ZNF385D: variants seen among roughly 807,000 people sequenced by gnomAD.
The protein encoded by ZNF385D is zinc finger protein 385D, also known as zinc finger protein 659.
A neutral mutation model predicts 35.8 loss-of-function variants in ZNF385D; 15 were observed. That is an observed-to-expected ratio of 0.42 (90% CI 0.28 to 0.64). The LOEUF (loss-of-function observed/expected upper bound fraction) is 0.64, where lower values mean the gene tolerates loss of function less well. Ranked by LOEUF, ZNF385D falls within the 30% of genes least tolerant of loss-of-function variation. The pLI is 0.23. For synonymous variants in ZNF385D, 212 were observed against 186.8 expected (o/e 1.13, Z -1.10); for missense variants, 474 against 494.6 (o/e 0.96, Z 0.39).
intron 3 of ZNF385D, among the ~76,000 whole-genome samples, chr3:21,900,103 A>G (rs532148137): frequency 6.6e-6 from 1 of 152,282 alleles, no homozygotes; most frequent in South Asian, 2.1e-4. Context: ...ACAAATTGCT[A>G]GTGAGAAAAT....
intron 3 of ZNF385D, among the ~76,000 whole-genome samples, chr3:21,912,463 G>C (rs756966216): frequency 2.6e-5 from 4 of 152,032 alleles, no homozygotes; most frequent in Non-Finnish European, 4.4e-5. Context: ...AAGGTAAAGT[G>C]TTCTTTCCAC....
intron 3 of ZNF385D, among the ~76,000 whole-genome samples, chr3:21,521,243 C>T (rs1462992328): frequency 1.3e-5 from 2 of 152,180 alleles, no homozygotes; most frequent in Non-Finnish European, 2.9e-5. Context: ...CTCCGAGGCA[C>T]TTTGGTTACA....
intron 3 of ZNF385D, among the ~76,000 whole-genome samples, chr3:21,934,357 A>C (rs1410790120): frequency 6.6e-6 from 1 of 152,186 alleles, no homozygotes; most frequent in East Asian, 1.9e-4. Context: ...AAACACTCCA[A>C]ATAAAAACAA....
At chr3:21,737,310 T>C (rs946584439) in intron 1 of ZNF385D, among the ~76,000 whole-genome samples, 1 of 152,154 alleles carries the variant, frequency 6.6e-6, no homozygotes, top group African/African-American at 2.4e-5. Context: ...ATAATAGAAA[T>C]AACTTATTTT....
chr3:21,952,984 C>T (rs1277822343), intron 3 of ZNF385D, among the ~76,000 whole-genome samples: 1 of 151,978 alleles, frequency 6.6e-6, no homozygotes, highest in Non-Finnish European at 1.5e-5. Context: ...ATTCTTCTCC[C>T]TTACTAAACA....
chr3:22,017,269 A>G (rs1696950135), intron 3 of ZNF385D, among the ~76,000 whole-genome samples: 1 of 152,106 alleles, frequency 6.6e-6, no homozygotes, highest in Non-Finnish European at 1.5e-5. Context: ...ACATACAGAC[A>G]TAGTGAATTT....
chr3:22,056,715 A>G (rs958059622), intron 3 of ZNF385D, among the ~76,000 whole-genome samples: 1 of 152,158 alleles, frequency 6.6e-6, no homozygotes, highest in East Asian at 1.9e-4. Flanking sequence ...CCACAGAAAA[A>G]CTCAGTGGAT....
intron 3 of ZNF385D, among the ~76,000 whole-genome samples, chr3:21,871,943 G>A (rs1697713531): frequency 6.6e-6 from 1 of 151,970 alleles, no homozygotes; most frequent in South Asian, 2.1e-4. Context: ...GTTGCAGTGA[G>A]CCAAGATTGC....
rs547175476 is a variant in ZNF385D, at chr3:22,319,627, A to G, written c.106+52823T>C. Among the ~76,000 whole-genome samples the G allele has an allele frequency of 2.0e-4, 30 of 152,252 alleles. No homozygotes were observed. The South Asian group carries it at 5.8e-3, about 29-fold the overall frequency. On this transcript the variant is annotated intron_variant, in intron 2 of 5. Coordinates refer to the ZNF385D transcript ENST00000494108. ...GATTTCCCTATAGTTCATGGGCTCT[A>G]GTTTGTGAATCCCTGAACACTGACT...
intron 2 of ZNF385D, among the ~76,000 whole-genome samples, chr3:22,314,360 A>C (rs551248434): frequency 4.6e-5 from 7 of 152,236 alleles, no homozygotes; most frequent in African/African-American, 1.7e-4. Flanking sequence ...CTTATGAGTG[A>C]GAACATTTGA....
chr3:22,160,329 G>A (rs532778894), intron 3 of ZNF385D, among the ~76,000 whole-genome samples: 1 of 152,200 alleles, frequency 6.6e-6, no homozygotes, highest in African/African-American at 2.4e-5. Context: ...AAATGTTCTA[G>A]CAAGTTCTAA....
chr3:21,956,908 G>A (rs752210113), intron 3 of ZNF385D, among the ~76,000 whole-genome samples: 1 of 151,772 alleles, frequency 6.6e-6, no homozygotes, highest in East Asian at 2.0e-4. Flanking sequence ...ATCATCTGTG[G>A]TGATATAGTT....
chr3:21,997,898 TG>T (rs1695582035), intron 3 of ZNF385D, among the ~76,000 whole-genome samples: 1 of 150,506 alleles, frequency 6.6e-6, no homozygotes, highest in African/African-American at 2.5e-5. Context: ...TGTGTGTGTG[TG>T]TGTGTGTGAC....
intron 3 of ZNF385D, among the ~76,000 whole-genome samples, chr3:22,135,861 A>C (rs1704068483): frequency 6.6e-6 from 1 of 152,076 alleles, no homozygotes; most frequent in South Asian, 2.1e-4. Context: ...TCAAAGTTGC[A>C]AAAACAATTA....
intron 3 of ZNF385D, among the ~76,000 whole-genome samples, chr3:22,087,092 A>C (rs1559358473): frequency 6.6e-6 from 1 of 152,164 alleles, no homozygotes; most frequent in Non-Finnish European, 1.5e-5. Flanking sequence ...AGAAAAAAAG[A>C]ATTTTCTGAT....
chr3:22,346,756 T>A (rs1201376995), intron 2 of ZNF385D, among the ~76,000 whole-genome samples: 1 of 152,218 alleles, frequency 6.6e-6, no homozygotes, highest in African/African-American at 2.4e-5. Flanking sequence ...AAAACCCCAG[T>A]GCATTTTATA....
intron 2 of ZNF385D, among the ~76,000 whole-genome samples, chr3:22,313,319 C>T (rs1428148576): frequency 6.6e-6 from 1 of 151,536 alleles, no homozygotes; most frequent in African/African-American, 2.4e-5. Flanking sequence ...TTAATGGGTG[C>T]AGCACACCAA....
intron 3 of ZNF385D, among the ~76,000 whole-genome samples, chr3:21,998,596 G>T (rs1483510025): frequency 6.6e-6 from 1 of 152,178 alleles, no homozygotes; most frequent in African/African-American, 2.4e-5. Context: ...GCACCTTGAA[G>T]TATCAGTTGT....
chr3:21,462,736 C>T lies in ZNF385D; in HGVS notation c.440-25533G>A, dbSNP rs548719896. Among the ~76,000 whole-genome samples the T allele has an allele frequency of 1.8e-4, 27 of 152,298 alleles. No individual in the cohort carries two copies. The East Asian group carries it at 3.9e-3, about 22-fold the overall frequency. ...GTGGCTTACGCCTGTAATCCTAACACTTTGGGAGGCCGAGGAGGGTAGATC... is the reference window on the plus strand; with the variant it reads ...GTGGCTTACGCCTGTAATCCTAACATTTTGGGAGGCCGAGGAGGGTAGATC... On this transcript the variant is annotated intron_variant, in intron 4 of 7. Coordinates refer to ENST00000281523, the MANE Select transcript of ZNF385D (RefSeq NM_024697.3).
Sources: allele counts gnomAD v4.1 joint callset (sites outside exome capture counted in the v4.1 genomes callset), GRCh38; gene constraint gnomAD v4.1.1; transcripts MANE v1.5; gene names NCBI Gene and HGNC (gene_info 2026-07-23, HGNC 2026-07-21).